The following VSTM4 variants were observed in gnomAD, a reference collection of about 807,000 sequenced individuals.
VSTM4 encodes V-set and transmembrane domain-containing protein 4.
Under a neutral mutation model 36.4 loss-of-function variants are expected in VSTM4, and 20 were observed. The observed-to-expected ratio is 0.55, with a 90% CI of 0.39 to 0.80. The LOEUF (loss-of-function observed/expected upper bound fraction) is 0.80. Among genes scored for constraint, VSTM4 ranks in the 30% least tolerant of loss-of-function variants. The pLI is 0.00. For synonymous variants in VSTM4, 182 were observed against 173.9 expected, an observed-to-expected ratio of 1.05 and a Z score of -0.37; for missense variants, 392 against 404.5, an observed-to-expected ratio of 0.97 and a Z score of 0.26.
chr10:49,039,156 A>G (rs1422278633), intron 7 of VSTM4, among the ~76,000 whole-genome samples: 1 of 152,136 alleles, frequency 6.6e-6, no homozygotes, highest in Non-Finnish European at 1.5e-5. Context: ...GGAGGCCTCA[A>G]AAAGAAGGTG....
intron 2 of VSTM4, among the ~76,000 whole-genome samples, chr10:49,101,005 C>T (rs1315388333): frequency 6.6e-6 from 1 of 151,722 alleles, no homozygotes; most frequent in African/African-American, 2.4e-5. Flanking sequence ...CTACTATATA[C>T]CTTATATAAA....
chr10:49,060,882 G>A (rs749931562), intron 5 of VSTM4, among the ~76,000 whole-genome samples: 13 of 152,122 alleles, frequency 8.5e-5, no homozygotes, highest in Non-Finnish European at 1.8e-4. Flanking sequence ...TTCTGTATAT[G>A]GATACCCATG....
intron 2 of VSTM4, among the ~76,000 whole-genome samples, chr10:49,107,250 T>C (rs1844799031): frequency 6.6e-6 from 1 of 152,232 alleles, no homozygotes; most frequent in African/African-American, 2.4e-5. Context: ...AAATCTGCCC[T>C]GACCCCTTTG....
Position 49,095,418 on chromosome 10 carries a change from C to T in VSTM4, c.458-9395G>A, listed in dbSNP as rs76146610. Among the ~76,000 whole-genome samples, 306 of 152,158 alleles carry T rather than the reference C, an allele frequency of 2.0e-3. 3 individuals are homozygous for T. In the East Asian group the frequency reaches 0.022, roughly 11 times the overall value. On this transcript the variant is annotated intron_variant, in intron 2 of 7. Coordinates refer to ENST00000332853, the MANE Select transcript of VSTM4 (RefSeq NM_001031746.5). ...CATGTGAGGGTGCATTTCGGAAGGC[C>T]CCGGCAGGGTCCTTGGTACCAAGGT...
At chr10:49,112,517 T>C (rs996048467) in intron 1 of VSTM4, among the ~76,000 whole-genome samples, 1 of 152,230 alleles carries the variant, frequency 6.6e-6, no homozygotes, top group Admixed American at 6.5e-5. Flanking sequence ...ACAGTAAGCA[T>C]AGGCTCCAAT....
intron 4 of VSTM4, among the ~76,000 whole-genome samples, chr10:49,066,078 T>C (rs1008348969): frequency 6.6e-6 from 1 of 152,182 alleles, no homozygotes; most frequent in Non-Finnish European, 1.5e-5. Flanking sequence ...CTGGGTACTC[T>C]TTGGCAAAAC....
Position 49,107,756 on chromosome 10 carries a change from G to A in VSTM4, c.295C>T (p.Leu99=). The change falls in exon 2 of 8, where the codon CTG becomes TTG. Residue 99 remains leucine (L), a synonymous_variant. Coordinates refer to ENST00000332853, the MANE Select transcript of VSTM4 (RefSeq NM_001031746.5). The part of the protein sequence containing the change: ...NFSRSAKRRR[L]RLLEEQRGAL... ...CCCCGCTGCTCCTCCAGCAGGCGCAGCCTCCGCCGTTTGGCGCTGCGGCTG... is the reference window on the plus strand; with the variant it reads ...CCCCGCTGCTCCTCCAGCAGGCGCAACCTCCGCCGTTTGGCGCTGCGGCTG... 1 of 1,614,238 alleles carries A rather than the reference G, an allele frequency of 6.2e-7. No homozygotes were observed. Among genetic ancestry groups the A allele is most frequent in the Non-Finnish European group, 8.5e-7 (1 of 1,180,048 alleles).
intron 5 of VSTM4, among the ~76,000 whole-genome samples, chr10:49,061,684 A>G (rs903946654): frequency 1.3e-5 from 2 of 152,146 alleles, no homozygotes; most frequent in Non-Finnish European, 1.5e-5. Flanking sequence ...TATCAGCTAC[A>G]GTACATCCAC....
rs181162747 is a variant in VSTM4 at position 49,077,255 on chromosome 10, C to A, written c.598G>T (p.Val200Phe). The A allele has an allele frequency of 1.1e-5, 18 of 1,614,124 alleles. No homozygotes were observed. The highest frequency in any genetic ancestry group is 1.4e-5 in the Non-Finnish European group (17 of 1,180,040). ...CGCTTGTTAAACACAGACTGCCAGA[C>A]GATGACCAGCATGAAGAGCAGAATG... ...LSILLFMLVI[V>F]WQSVFNKRKS... Residue 200 changes from valine (V) to phenylalanine (F), a missense_variant, in exon 4 of 8, where the codon GTC (valine) becomes TTC (phenylalanine). By Grantham distance (50) the Val-to-Phe change is conservative. Transcript: ENST00000332853.
intron 5 of VSTM4, among the ~76,000 whole-genome samples, chr10:49,057,284 T>C (rs1448726464): frequency 2.0e-5 from 3 of 152,178 alleles, no homozygotes; most frequent in Non-Finnish European, 4.4e-5. Context: ...ATTGGCAGTT[T>C]CATCCATGCT....
intron 7 of VSTM4, among the ~76,000 whole-genome samples, chr10:49,020,742 A>AGGAAGGAT: frequency 8.1e-6 from 1 of 123,908 alleles, no homozygotes; most frequent in Non-Finnish European, 1.7e-5. Flanking sequence ...GAAGGAAGGA[A>AGGAAGGAT]GGAAGGAAGG....
intron 7 of VSTM4, among the ~76,000 whole-genome samples, chr10:49,030,079 G>A (rs1843321722): frequency 6.6e-6 from 1 of 152,346 alleles, no homozygotes; most frequent in South Asian, 2.1e-4. Context: ...TGGGGTGGCA[G>A]CAGACCCCTG....
At chr10:49,075,236 G>T (rs1255759127) in intron 4 of VSTM4, among the ~76,000 whole-genome samples, 1 of 152,204 alleles carries the variant, frequency 6.6e-6, no homozygotes, top group Non-Finnish European at 1.5e-5. Flanking sequence ...GCCCTTCTTT[G>T]TTTCCCTGAT....
chr10:49,090,131 T>C (rs1181632046), intron 2 of VSTM4, among the ~76,000 whole-genome samples: 3 of 152,252 alleles, frequency 2.0e-5, no homozygotes, highest in Admixed American at 2.0e-4. Context: ...TTACTAATGT[T>C]GCTCAAAGAC....
intron 2 of VSTM4, among the ~76,000 whole-genome samples, chr10:49,104,523 T>G (rs1274414280): frequency 1.3e-5 from 2 of 152,126 alleles, no homozygotes; most frequent in African/African-American, 4.8e-5. Flanking sequence ...TCAGGCCATT[T>G]GCTTGGGGTT....
rs912749447 is a variant in VSTM4, at chr10:49,018,559, A to C, written c.*1091T>G. 2 of 152,208 alleles carry C rather than the reference A, an allele frequency of 1.3e-5. No individual in the cohort carries two copies. The highest frequency in any genetic ancestry group is 4.8e-5 in the African/African-American group (2 of 41,436). The allele number at this position is 152,208 out of a possible 1,614,324, so 9.4% of individuals were successfully genotyped here. A position where few individuals can be genotyped will look rare whatever the true frequency, so the allele number is the denominator to read the frequency against. ...TATACTCACATCAAGAAATGTCCTC[A>C]ATAACACAGTTGACAGGATGGTGCT... On this transcript the variant is annotated 3_prime_UTR_variant, in exon 8 of 8. Transcript: ENST00000332853.
At chr10:49,055,804 A>G (rs7895382) in intron 5 of VSTM4, among the ~76,000 whole-genome samples, 1 of 152,248 alleles carries the variant, frequency 6.6e-6, no homozygotes, top group Non-Finnish European at 1.5e-5. Flanking sequence ...GGGTGACATG[A>G]GCCAACCACA....
chr10:49,055,203 C>T (rs1843758418), intron 5 of VSTM4, among the ~76,000 whole-genome samples: 1 of 152,196 alleles, frequency 6.6e-6, no homozygotes, highest in Non-Finnish European at 1.5e-5. Flanking sequence ...AACATCCTTC[C>T]AGGCCCCCTG....
intron 2 of VSTM4, among the ~76,000 whole-genome samples, chr10:49,090,881 C>T (rs1449327005): frequency 6.6e-6 from 1 of 152,118 alleles, no homozygotes; most frequent in Non-Finnish European, 1.5e-5. Flanking sequence ...CCTGTGACCA[C>T]TCCTGCACAC....
Sources: gnomAD v4.1 joint callset for allele counts (sites outside exome capture counted in the v4.1 genomes callset) on GRCh38, gnomAD v4.1.1 for gene constraint, MANE v1.5 for transcripts, NCBI Gene and HGNC (gene_info 2026-07-23, HGNC 2026-07-21) for gene names.